Variants in RIMS3 observed in about 807,000 individuals in gnomAD.
RIMS3 encodes regulating synaptic membrane exocytosis 3.
Under a neutral mutation model 29.2 loss-of-function variants are expected in RIMS3, and 15 were observed. The ratio of observed to expected loss-of-function variants is 0.51; its 90% CI spans 0.34 to 0.79. The LOEUF (loss-of-function observed/expected upper bound fraction) is 0.79. Ranked by LOEUF, RIMS3 falls within the 30% of genes least tolerant of loss-of-function variation. The pLI is 0.01. For synonymous variants in RIMS3, 161 were observed against 170.1 expected (o/e 0.95, Z 0.41); for missense variants, 342 against 421.4 (o/e 0.81, Z 1.65).
Position 40,626,342 on chromosome 1 carries a change from G to GCACGCACA in RIMS3, c.*167_*174dup, listed in dbSNP as rs1226201704. The GCACGCACA allele has an allele frequency of 7.6e-6, 5 of 660,954 alleles. No homozygotes were observed. Among genetic ancestry groups the GCACGCACA allele is most frequent in the Non-Finnish European group, 1.1e-5 (4 of 366,382 alleles). 40.9% of individuals were successfully genotyped at this position (660,954 alleles called of 1,614,324 possible). On this transcript the variant is annotated 3_prime_UTR_variant, in exon 8 of 8. Transcript: ENST00000372684. ...TGGTCACGTACACACACACACACAC[G>GCACGCACA]CACGCACACACGCACACACTACAGT... is the stretch of plus-strand genomic sequence containing the variant.
chr1:40,634,300 C>A (rs981457393), intron 4 of RIMS3, among the ~76,000 whole-genome samples: 5 of 152,204 alleles, frequency 3.3e-5, no homozygotes, highest in Non-Finnish European at 5.9e-5. Flanking sequence ...GCCTGTGTCT[C>A]TCCCTGACTA....
chr1:40,663,990 G>A (rs1179761074), intron 1 of RIMS3, among the ~76,000 whole-genome samples: 3 of 152,194 alleles, frequency 2.0e-5, no homozygotes, highest in African/African-American at 4.8e-5. Flanking sequence ...GAGAGGGGAA[G>A]TGATTTCCTC....
intron 2 of RIMS3, 31 bp from the exon 3 acceptor site, chr1:40,641,987 A>C: frequency 7.2e-7 from 1 of 1,390,666 alleles, no homozygotes; most frequent in East Asian, 2.4e-5. Context: ...AAAGGATCCC[A>C]CATCAGACCT....
chr1:40,642,260 T>C (rs1348077801), intron 2 of RIMS3, among the ~76,000 whole-genome samples: 1 of 152,210 alleles, frequency 6.6e-6, no homozygotes, highest in Non-Finnish European at 1.5e-5. Flanking sequence ...CTGCGTGGAC[T>C]TGTGACCAAA....
At chr1:40,656,720 T>C (rs1642277992) in intron 1 of RIMS3, among the ~76,000 whole-genome samples, 2 of 149,446 alleles carry the variant, frequency 1.3e-5, no homozygotes, top group South Asian at 4.3e-4. Context: ...GAGGCAGAGG[T>C]TGTGGTGAGC....
At chr1:40,629,406 C>T in intron 5 of RIMS3, 34 bp from the exon 6 acceptor site, 1 of 1,573,806 alleles carries the variant, frequency 6.4e-7, no homozygotes, top group Non-Finnish European at 8.7e-7. Context: ...CCAGGCAGGG[C>T]CAGACCAAGG....
In RIMS3 at chr1:40,635,940, G is replaced by A. The variant is rs778173318; in HGVS notation, c.335C>T (p.Thr112Ile). The A allele has an allele frequency of 1.4e-5, 22 of 1,612,794 alleles. No individual in the cohort carries two copies. The highest frequency in any genetic ancestry group is 1.7e-5 in the Non-Finnish European group (20 of 1,179,972). ...QGSRESTDGS[T>I]NSNSSDGTFI... ...CGTGCCGTCGGAGCTGTTGCTGTTG[G>A]TGCTCCCATCGGTGGACTCCCGGCT... Residue 112 changes from threonine (T) to isoleucine (I), a missense_variant, in exon 4 of 8, where the codon ACC becomes ATC. Coordinates refer to ENST00000372684, the MANE Select transcript of RIMS3 (RefSeq NM_014747.3). This position sits in a 1 kb window ranked among gnomAD's most constrained non-coding sequence, Gnocchi z 4.1.
chr1:40,683,212 C>T, the RIMS3 span, among the ~76,000 whole-genome samples: 2 of 152,174 alleles, frequency 1.3e-5, no homozygotes, highest in African/African-American at 4.8e-5. Flanking sequence ...ATAGTCTAGA[C>T]CTATGCTGTC....
chr1:40,677,507 G>GC, the RIMS3 span, among the ~76,000 whole-genome samples: 1 of 151,052 alleles, frequency 6.6e-6, no homozygotes, highest in Admixed American at 6.6e-5. Flanking sequence ...GACCATCCTG[G>GC]CTAACACGGT....
chr1:40,691,659 G>A, the RIMS3 span: 5 of 444,838 alleles, frequency 1.1e-5, no homozygotes, highest in South Asian at 6.3e-5. Flanking sequence ...CACGATACTG[G>A]GAGTCCAGGC....
chr1:40,660,561 G>A (rs1642337711), intron 1 of RIMS3, among the ~76,000 whole-genome samples: 1 of 151,566 alleles, frequency 6.6e-6, no homozygotes, highest in South Asian at 2.1e-4. Context: ...TATTTTTTTT[G>A]TAGAGATGGG....
chr1:40,670,154 T>C (rs1293499634), upstream of RIMS3, among the ~76,000 whole-genome samples: 1 of 152,240 alleles, frequency 6.6e-6, no homozygotes, highest in East Asian at 1.9e-4. Flanking sequence ...AAAATGCTTT[T>C]CATTGATTCA....
chr1:40,684,278 C>A, the RIMS3 span, among the ~76,000 whole-genome samples: 1 of 152,214 alleles, frequency 6.6e-6, no homozygotes, highest in Non-Finnish European at 1.5e-5. Flanking sequence ...AGGACTCTGT[C>A]TCCCTCTCTG....
chr1:40,642,320 G>C (rs533365761), intron 2 of RIMS3, among the ~76,000 whole-genome samples: 1 of 152,284 alleles, frequency 6.6e-6, no homozygotes, highest in South Asian at 2.1e-4. Flanking sequence ...TGAAATAAAA[G>C]CACTTAGCTC....
At chr1:40,629,423 C>G in intron 5 of RIMS3, 51 bp from the exon 6 acceptor site, 2 of 1,439,398 alleles carry the variant, frequency 1.4e-6, no homozygotes, top group South Asian at 1.1e-5. Context: ...AAGGGGCAGG[C>G]CAGCCAGCTG....
In RIMS3 at chr1:40,626,383, G is replaced by C; in HGVS notation, c.*134C>G. Reference sequence around the variant, plus strand: ...ACACTACAGTCTCCACTGCCAGCTGGGATGAGCCCAGTAGCCAACAGGCAT... The same window carrying C: ...ACACTACAGTCTCCACTGCCAGCTGCGATGAGCCCAGTAGCCAACAGGCAT... On this transcript the variant is annotated 3_prime_UTR_variant, in exon 8 of 8. Coordinates refer to ENST00000372684, the MANE Select transcript of RIMS3 (RefSeq NM_014747.3). 1.2e-6 allele frequency: 1 copy of C among 817,478 alleles called. No individual in the cohort carries two copies. The highest frequency in any genetic ancestry group is 2.0e-5 in the Admixed American group (1 of 49,810). The allele number at this position is 817,478 out of a possible 1,614,324, so 50.6% of individuals were successfully genotyped here.
chr1:40,690,626 G>C, the RIMS3 span: 1 of 152,182 alleles, frequency 6.6e-6, no homozygotes, highest in Non-Finnish European at 1.5e-5. Flanking sequence ...TGCCTGATGT[G>C]AGATTTATTG....
chr1:40,639,547 G>C (rs1292310742), intron 3 of RIMS3, among the ~76,000 whole-genome samples: 1 of 151,990 alleles, frequency 6.6e-6, no homozygotes, highest in Non-Finnish European at 1.5e-5. Flanking sequence ...GCATGAAGCT[G>C]GGTGCCTTTG....
chr1:40,627,317 C>T (rs1646461069), intron 7 of RIMS3, among the ~76,000 whole-genome samples: 1 of 152,128 alleles, frequency 6.6e-6, no homozygotes, highest in African/African-American at 2.4e-5. Context: ...CAAGCTCTAC[C>T]TCCTGGGTTC....
Sources: gnomAD v4.1 joint callset for allele counts (sites outside exome capture counted in the v4.1 genomes callset) on GRCh38, gnomAD v4.1.1 for gene constraint, Gnocchi (gnomAD v3.1) non-coding constraint, MANE v1.5 for transcripts, NCBI Gene and HGNC (gene_info 2026-07-23, HGNC 2026-07-21) for gene names.